PDE1C: variants seen among roughly 807,000 people sequenced by gnomAD.
The protein encoded by PDE1C is dual specificity calcium/calmodulin-dependent 3',5'-cyclic nucleotide phosphodiesterase 1C.
In PDE1C, 62 loss-of-function variants were observed where a neutral mutation model predicts 93.1. The observed-to-expected ratio is 0.67, with a 90% confidence interval of 0.54 to 0.82. The LOEUF is 0.82. PDE1C is among the 40% of genes least tolerant of loss of function. The pLI is 0.00. For missense variants in PDE1C, 742 were observed against 884.6 expected (o/e 0.84, Z 2.04); for synonymous variants, 325 against 310.1 (o/e 1.05, Z -0.50).
intron 1 of PDE1C, among the ~76,000 whole-genome samples, chr7:32,283,420 T>A (rs936239626): frequency 2.6e-5 from 4 of 152,234 alleles, no homozygotes; most frequent in Admixed American, 1.3e-4. Context: ...GGTAGGATTT[T>A]TGTGTTCTCT....
chr7:31,890,939 T>A (rs1020646058), intron 2 of PDE1C, among the ~76,000 whole-genome samples: 1 of 152,114 alleles, frequency 6.6e-6, no homozygotes, highest in African/African-American at 2.4e-5. Flanking sequence ...CCCACCACAC[T>A]GGGGAGGAAA....
At chr7:31,809,133 A>AG (rs1562839073) in intron 15 of PDE1C, 25 bp from the exon 16 acceptor site, 2 of 1,307,676 alleles carry the variant, frequency 1.5e-6, no homozygotes. Context: ...CATGACAAAC[A>AG]GTATATGTAT....
intron 2 of PDE1C, chr7:32,209,374 A>T: frequency 2.3e-6 from 2 of 864,042 alleles, no homozygotes; most frequent in Non-Finnish European, 3.6e-6. Context: ...TATTTCCTGC[A>T]TTACTATTTT....
intron 15 of PDE1C, among the ~76,000 whole-genome samples, chr7:31,813,716 G>A (rs971149171): frequency 1.3e-5 from 2 of 151,974 alleles, no homozygotes; most frequent in Non-Finnish European, 2.9e-5. Context: ...ATATAAGTAA[G>A]TTATTTAGTG....
At chr7:31,861,240 A>G (rs1794661179) in intron 7 of PDE1C, among the ~76,000 whole-genome samples, 1 of 151,886 alleles carries the variant, frequency 6.6e-6, no homozygotes, top group South Asian at 2.1e-4. Context: ...ACCCCATGTC[A>G]CTGGCCACTC....
chr7:31,653,853 G>A, the PDE1C span, among the ~76,000 whole-genome samples: 77 of 152,298 alleles, frequency 5.1e-4, no homozygotes, highest in Non-Finnish European at 1.0e-3. Context: ...TCAATGTTCA[G>A]ACAGCCCTGG....
intron 1 of PDE1C, among the ~76,000 whole-genome samples, chr7:32,279,974 A>T (rs1811522496): frequency 6.6e-6 from 1 of 152,192 alleles, no homozygotes; most frequent in Admixed American, 6.5e-5. Context: ...TGGGAAAAAA[A>T]TGTAGACTAT....
At chr7:32,195,701 A>AAAC (rs1554284300) in intron 2 of PDE1C, among the ~76,000 whole-genome samples, 2 of 152,070 alleles carry the variant, frequency 1.3e-5, no homozygotes, top group Non-Finnish European at 1.5e-5. Flanking sequence ...TTTAAAAATA[A>AAAC]AATAATAATA....
chr7:31,997,134 C>A (rs554950936), intron 2 of PDE1C, among the ~76,000 whole-genome samples: 2 of 152,254 alleles, frequency 1.3e-5, no homozygotes, highest in African/African-American at 4.8e-5. Context: ...CTTCATGAAG[C>A]AAGTTAGTAC....
chr7:32,207,222 C>T (rs1053876366), intron 2 of PDE1C, among the ~76,000 whole-genome samples: 2 of 152,114 alleles, frequency 1.3e-5, no homozygotes, highest in African/African-American at 2.4e-5. Flanking sequence ...CCAGCCATCA[C>T]AGCACAGGCT....
chr7:32,169,739 C>G, intron 3 of PDE1C: 9 of 1,567,554 alleles, frequency 5.7e-6, no homozygotes, highest in Non-Finnish European at 5.3e-6. Context: ...TGAAACAACT[C>G]CACAAGCAAA....
At chr7:32,199,291 TG>T (rs1804839946) in intron 2 of PDE1C, among the ~76,000 whole-genome samples, 1 of 152,158 alleles carries the variant, frequency 6.6e-6, no homozygotes, top group Non-Finnish European at 1.5e-5. Context: ...TGATTGAAAC[TG>T]GGTACAATTC....
intron 2 of PDE1C, among the ~76,000 whole-genome samples, chr7:31,944,875 C>T (rs1023588761): frequency 6.6e-6 from 1 of 152,006 alleles, no homozygotes; most frequent in African/African-American, 2.4e-5. Flanking sequence ...AGCTCCTTAA[C>T]GTTTTTGAAG....
At chr7:31,918,425 CAA>C (rs1228707452) in intron 2 of PDE1C, among the ~76,000 whole-genome samples, 1 of 152,190 alleles carries the variant, frequency 6.6e-6, no homozygotes, top group African/African-American at 2.4e-5. Context: ...CACGAAGACC[CAA>C]GTGATTTCTC....
At chr7:31,920,631 A>C (rs1464346687) in intron 2 of PDE1C, among the ~76,000 whole-genome samples, 5 of 152,210 alleles carry the variant, frequency 3.3e-5, no homozygotes, top group African/African-American at 1.2e-4. Context: ...AAAATAATAA[A>C]ATTATCACAT....
At chr7:32,017,765 C>G (rs962835287) in intron 2 of PDE1C, among the ~76,000 whole-genome samples, 5 of 151,832 alleles carry the variant, frequency 3.3e-5, no homozygotes, top group Admixed American at 2.0e-4. Context: ...CATCATTACC[C>G]CTGAAGGAAA....
the PDE1C span, among the ~76,000 whole-genome samples, chr7:31,681,199 C>T: frequency 1.3e-5 from 2 of 152,182 alleles, no homozygotes; most frequent in African/African-American, 4.8e-5. Flanking sequence ...CTGCATTCTT[C>T]TAACATTCAG....
chr7:32,049,612 A>T (rs534540700), intron 2 of PDE1C, among the ~76,000 whole-genome samples: 40 of 152,300 alleles, frequency 2.6e-4, no homozygotes, highest in Middle Eastern at 6.8e-3. Context: ...GATGACGCTC[A>T]TTAGAAAAGG....
At chr7:32,370,158 CGAT>C in intron 1 of PDE1C, among the ~76,000 whole-genome samples, 1 of 152,010 alleles carries the variant, frequency 6.6e-6, no homozygotes, top group East Asian at 1.9e-4. Flanking sequence ...CCATAAAAAA[CGAT>C]GAGTTCTGCC....
Sources: allele counts gnomAD v4.1 joint callset (sites outside exome capture counted in the v4.1 genomes callset), GRCh38; gene constraint gnomAD v4.1.1; transcripts MANE v1.5; gene names NCBI Gene and HGNC (gene_info 2026-07-23, HGNC 2026-07-21).